Variants in CSMD3 observed in about 807,000 individuals in gnomAD.
CSMD3 encodes CUB and Sushi multiple domains 3.
A neutral mutation model predicts 435.2 loss-of-function variants in CSMD3; 177 were observed. That is an observed-to-expected ratio of 0.41 (90% confidence interval 0.36 to 0.46). The LOEUF (loss-of-function observed/expected upper bound fraction) is 0.46, where lower values mean the gene tolerates loss of function less well. Ranked by LOEUF, CSMD3 falls within the 20% of genes least tolerant of loss-of-function variation. CSMD3 has a pLI of 0.34. For synonymous variants in CSMD3, 1,656 were observed against 1,520.5 expected (o/e 1.09, Z -2.07); for missense variants, 4,265 against 4,504.6 (o/e 0.95, Z 1.52).
chr8:113,202,426 G>C (rs962921203), intron 3 of CSMD3, among the ~76,000 whole-genome samples: 3 of 152,182 alleles, frequency 2.0e-5, no homozygotes, highest in African/African-American at 4.8e-5. Flanking sequence ...TTGTTTACTT[G>C]CAAGTGAGAA....
intron 5 of CSMD3, among the ~76,000 whole-genome samples, chr8:113,090,655 C>T (rs2089972247): frequency 6.6e-6 from 1 of 152,122 alleles, no homozygotes; most frequent in Non-Finnish European, 1.5e-5. Context: ...CTTCAATCTC[C>T]TCCTCCATTG....
In CSMD3 at chr8:112,228,820, C is replaced by G. The variant is rs1236525484; in HGVS notation, c.10900G>C (p.Ala3634Pro). 6.3e-7 allele frequency: 1 copy of G among 1,590,050 alleles called. No individual in the cohort carries two copies. The highest frequency in any genetic ancestry group is 1.3e-5 in the African/African-American group (1 of 74,136). The change falls in exon 70 of 71, where the codon GCT becomes CCT. Residue 3634 changes from alanine (A) to proline (P), a missense_variant. This residue lies in a region of CSMD3 where 3,255 missense variants were observed against 3,380.2 expected (regional missense o/e 0.96). Transcript: ENST00000297405. ...HGTNSSSVAI[A>P]ILVPFFALIF... is the part of the protein sequence containing the mutation. ...AGTGCAAAAAAAGGCACAAGAATAG[C>G]AATGGCTACAGAACTACTATTTGTA...
intron 2 of CSMD3, among the ~76,000 whole-genome samples, chr8:113,304,673 CA>C (rs2093803085): frequency 7.7e-6 from 1 of 129,276 alleles, no homozygotes; most frequent in African/African-American, 2.9e-5. Context: ...AACAAAAAAC[CA>C]AACACCGCAT....
In CSMD3 at chr8:112,296,342, G is replaced by A. The variant is rs537535195; in HGVS notation, c.8441-336C>T. 7.9e-5 allele frequency among the ~76,000 whole-genome samples: 12 copies of A among 152,134 alleles called. No homozygotes were observed. The South Asian group carries it at 2.5e-3, about 32-fold the overall frequency. ...CCGAGGTGGCAGATCACGAGGTCAGGAGATTGAGACCATCCTGGCTAACAC... is the reference window on the plus strand; with the variant it reads ...CCGAGGTGGCAGATCACGAGGTCAGAAGATTGAGACCATCCTGGCTAACAC... On this transcript the variant is annotated intron_variant, in intron 53 of 70. Transcript: ENST00000297405.
intron 3 of CSMD3, among the ~76,000 whole-genome samples, chr8:113,181,542 T>C (rs1056829046): frequency 6.6e-6 from 1 of 152,076 alleles, no homozygotes; most frequent in Non-Finnish European, 1.5e-5. Flanking sequence ...GAAATATCTG[T>C]GCCCTTTTAT....
chr8:112,422,060 G>A (rs938993241), intron 32 of CSMD3, among the ~76,000 whole-genome samples: 2 of 152,066 alleles, frequency 1.3e-5, no homozygotes, highest in Admixed American at 1.3e-4. Context: ...TGGTCTCTTA[G>A]CCATTATCCT....
At chr8:112,558,823 C>T (rs994496404) in intron 24 of CSMD3, among the ~76,000 whole-genome samples, 14 of 151,822 alleles carry the variant, frequency 9.2e-5, no homozygotes, top group Admixed American at 4.0e-4. Context: ...AGCCAAATGA[C>T]AAATAATGTC....
intron 3 of CSMD3, among the ~76,000 whole-genome samples, chr8:113,182,668 C>T (rs1315484746): frequency 6.6e-6 from 1 of 152,064 alleles, no homozygotes; most frequent in African/African-American, 2.4e-5. Context: ...ACTGTGCCCT[C>T]AGGCCATCAG....
chr8:112,666,370 G>A lies in CSMD3; in HGVS notation c.2723C>T (p.Ser908Leu), dbSNP rs1474965071. The change falls in exon 17 of 71, where the codon TCA becomes TTA. Residue 908 changes from serine to leucine, a missense_variant. Physicochemically the swap from Ser to Leu is moderately radical, Grantham distance 145 (BLOSUM62 -2). Around this residue, in one of 3 missense-constraint regions of CSMD3, gnomAD observed 279 missense variants for 369.0 expected, o/e 0.76. Transcript: ENST00000297405. ...HFSAPSGVIL[S>L]PGWPGYYKDS... is the part of the protein sequence containing the mutation. ...TTTGTAGTATCCTGGCCATCCTGGTGAGAGAATCACTCCACTGGGAGCTGA... is the reference window on the plus strand; with the variant it reads ...TTTGTAGTATCCTGGCCATCCTGGTAAGAGAATCACTCCACTGGGAGCTGA... 1 of 1,612,534 alleles carries A rather than the reference G, an allele frequency of 6.2e-7. No individual in the cohort carries two copies.
At chr8:112,247,822 T>C (rs1378550446) in intron 63 of CSMD3, among the ~76,000 whole-genome samples, 1 of 152,160 alleles carries the variant, frequency 6.6e-6, no homozygotes, top group Non-Finnish European at 1.5e-5. Context: ...AATAATCTGT[T>C]TTAACAAGCC....
At chr8:112,476,004 C>T (rs557672180) in intron 31 of CSMD3, among the ~76,000 whole-genome samples, 1 of 152,196 alleles carries the variant, frequency 6.6e-6, no homozygotes, top group African/African-American at 2.4e-5. Flanking sequence ...CTGATTATAA[C>T]TTATGTAGTT....
intron 30 of CSMD3, among the ~76,000 whole-genome samples, chr8:112,493,026 G>A (rs1820857344): frequency 6.6e-6 from 1 of 152,120 alleles, no homozygotes; most frequent in Non-Finnish European, 1.5e-5. Context: ...ACAGCTGACT[G>A]TTTTTTATGG....
At chr8:112,499,171 A>T (rs1283838306) in intron 30 of CSMD3, among the ~76,000 whole-genome samples, 1 of 152,136 alleles carries the variant, frequency 6.6e-6, no homozygotes, top group South Asian at 2.1e-4. Flanking sequence ...TTTTGAAATT[A>T]GGAATACAGA....
intron 1 of CSMD3, among the ~76,000 whole-genome samples, chr8:113,401,772 TATA>T (rs1458438030): frequency 6.6e-6 from 1 of 151,620 alleles, no homozygotes; most frequent in African/African-American, 2.4e-5. Flanking sequence ...CACATGTTAT[TATA>T]ATGTCATATT....
At chr8:112,799,896 T>A (rs2078920755) in intron 13 of CSMD3, among the ~76,000 whole-genome samples, 1 of 151,938 alleles carries the variant, frequency 6.6e-6, no homozygotes, top group Non-Finnish European at 1.5e-5. Flanking sequence ...GCTAGGAGTC[T>A]ACAGTGATTG....
chr8:112,707,662 T>C (rs1181031382), intron 13 of CSMD3, among the ~76,000 whole-genome samples: 1 of 152,098 alleles, frequency 6.6e-6, no homozygotes, highest in Non-Finnish European at 1.5e-5. Flanking sequence ...ACTACTTCTC[T>C]ATTGTGTTTG....
At chr8:112,975,594 T>G (rs2084815588) in intron 7 of CSMD3, among the ~76,000 whole-genome samples, 1 of 152,178 alleles carries the variant, frequency 6.6e-6, no homozygotes, top group Admixed American at 6.5e-5. Context: ...ATTTCTGTTC[T>G]ACTTTTACCC....
intron 57 of CSMD3, 53 bp downstream of exon 57, chr8:112,289,312 T>C: frequency 7.2e-7 from 1 of 1,389,832 alleles, no homozygotes; most frequent in Admixed American, 1.7e-5. Context: ...CTACTACTAC[T>C]ACTAACAATA....
chr8:112,432,486 T>G (rs1813827880), intron 32 of CSMD3, among the ~76,000 whole-genome samples: 1 of 152,132 alleles, frequency 6.6e-6, no homozygotes, highest in African/African-American at 2.4e-5. Flanking sequence ...TATTTTATTT[T>G]ATTTTATCTA....
Sources: gnomAD v4.1 joint callset for allele counts (sites outside exome capture counted in the v4.1 genomes callset) on GRCh38, gnomAD v4.1.1 for gene constraint, gnomAD v4.1.1 regional missense constraint, MANE v1.5 for transcripts, NCBI Gene and HGNC (gene_info 2026-07-23, HGNC 2026-07-21) for gene names.